Variants in STRIP2 observed in about 807,000 individuals in gnomAD.
STRIP2 encodes striatin interacting protein 2, also known as striatin-interacting protein 2.
In STRIP2, 84 loss-of-function variants were observed where a neutral mutation model predicts 107.1. The observed-to-expected ratio is 0.78, with a 90% confidence interval of 0.66 to 0.94. The LOEUF (loss-of-function observed/expected upper bound fraction) is 0.94. Ranked by LOEUF, STRIP2 falls within the 40% of genes least tolerant of loss-of-function variation. The pLI, the probability that STRIP2 is intolerant of heterozygous loss-of-function variation, is 0.00. For missense variants in STRIP2, 888 were observed against 1,034.2 expected, an observed-to-expected ratio of 0.86 and a Z score of 1.94; for synonymous variants, 394 against 400.4, an observed-to-expected ratio of 0.98 and a Z score of 0.19.
intron 18 of STRIP2, among the ~76,000 whole-genome samples, chr7:129,473,308 C>T (rs1798837527): frequency 1.3e-5 from 2 of 152,186 alleles, no homozygotes; most frequent in Non-Finnish European, 2.9e-5. Context: ...TTTCATTTGA[C>T]AGCAAAATTT....
At position 129,475,554 on chromosome 7, in the gene STRIP2, T is replaced by C. The variant is rs867648681; in HGVS notation, c.1944+4839T>C. On this transcript the variant is annotated intron_variant, in intron 18 of 20. Transcript: ENST00000249344. ...GAGTGGTGATGACTCTTTTTTTTTCTTTTTTTTTTTTTTCTTTTTATTTTT... is the reference window on the plus strand; with the variant it reads ...GAGTGGTGATGACTCTTTTTTTTTCCTTTTTTTTTTTTTCTTTTTATTTTT... 1.1e-3 allele frequency among the ~76,000 whole-genome samples: 134 copies of C among 121,900 alleles called. 3 individuals carry two copies. The highest frequency in any genetic ancestry group is 3.8e-3 in the Middle Eastern group (1 of 260). The allele number at this position is 121,900 out of a possible 152,430, so 80.0% of individuals were successfully genotyped here. A position where few individuals can be genotyped will look rare whatever the true frequency, so the allele number is the denominator to read the frequency against.
At chr7:129,452,957 A>C (rs1798236595) in intron 4 of STRIP2, among the ~76,000 whole-genome samples, 1 of 152,124 alleles carries the variant, frequency 6.6e-6, no homozygotes, top group Non-Finnish European at 1.5e-5. Context: ...AGCTACTTGC[A>C]CTGGAATCCT....
chr7:129,440,668 G>A (rs1478451874), intron 2 of STRIP2, among the ~76,000 whole-genome samples: 1 of 152,054 alleles, frequency 6.6e-6, no homozygotes, highest in Non-Finnish European at 1.5e-5. Context: ...ATGAGCTGGG[G>A]TTAAGTAATT....
intron 9 of STRIP2, among the ~76,000 whole-genome samples, chr7:129,457,886 T>C (rs1028700436): frequency 1.3e-5 from 2 of 152,322 alleles, no homozygotes; most frequent in African/African-American, 4.8e-5. Context: ...GGCAAACTAA[T>C]TGAATGTTCA....
Position 129,453,341 on chromosome 7 carries a change from A to C in STRIP2, c.524A>C (p.Glu175Ala), listed in dbSNP as rs559282908. Residue 175 changes from glutamate (E) to alanine (A), a missense_variant, in exon 5 of 21, where the codon GAA becomes GCA. By Grantham distance (107) the Glu-to-Ala change is moderately radical. Transcript: ENST00000249344. ...FSTFLELLHM[E>A]IDNSQACSSA... ...ACCTTCCTGGAGCTACTCCACATGG[A>C]AATTGAGTGAGAAGCCTTAGGGGAA... 1 of 1,614,094 alleles carries C rather than the reference A, an allele frequency of 6.2e-7. No individual in the cohort carries two copies. Among genetic ancestry groups the C allele is most frequent in the East Asian group, 2.2e-5 (1 of 44,868 alleles).
chr7:129,480,791 G>C lies in STRIP2; in HGVS notation c.1951G>C (p.Gly651Arg), dbSNP rs1799096522. Residue 651 changes from glycine (G) to arginine (R), a missense_variant, in exon 19 of 21, where the codon GGA (glycine) becomes CGA (arginine). By Grantham distance (125) the Gly-to-Arg change is moderately radical. Coordinates refer to ENST00000249344, the MANE Select transcript of STRIP2 (RefSeq NM_020704.3). ...TGGATGTTCCCTACTATAGGAAGCT[G>C]GAGACAACAGCCAGTTCTGCTGGAG... The part of the protein sequence containing the change: ...PELTTESLEA[G>R]DNSQFCWRNL... 6.2e-7 allele frequency: 1 copy of C among 1,613,222 alleles called. No individual in the cohort carries two copies. The highest frequency in any genetic ancestry group is 2.2e-5 in the East Asian group (1 of 44,846).
At chr7:129,469,778 G>C (rs917445312) in intron 17 of STRIP2, among the ~76,000 whole-genome samples, 11 of 152,226 alleles carry the variant, frequency 7.2e-5, no homozygotes, top group Non-Finnish European at 1.5e-5. Flanking sequence ...TGTAGAGACA[G>C]GTTCATTATA....
chr7:129,465,192 A>G (rs1392024770), intron 16 of STRIP2, among the ~76,000 whole-genome samples: 1 of 152,322 alleles, frequency 6.6e-6, no homozygotes, highest in African/African-American at 2.4e-5. Context: ...CAGATATATA[A>G]GTAGCCAATT....
At chr7:129,454,830 A>G (rs1485616293) in intron 7 of STRIP2, among the ~76,000 whole-genome samples, 2 of 152,204 alleles carry the variant, frequency 1.3e-5, no homozygotes, top group African/African-American at 4.8e-5. Flanking sequence ...AATGAGTTGA[A>G]TCACCTTGAA....
At chr7:129,449,683 A>G (rs1201053835) in intron 3 of STRIP2, among the ~76,000 whole-genome samples, 1 of 152,178 alleles carries the variant, frequency 6.6e-6, no homozygotes, top group African/African-American at 2.4e-5. Flanking sequence ...CTTTTCCAAT[A>G]AATGCCCTCA....
intron 20 of STRIP2, 144 bp from the exon 21 acceptor site, chr7:129,485,435 A>C: frequency 1.1e-6 from 1 of 884,846 alleles, no homozygotes; most frequent in Non-Finnish European, 1.6e-6. Flanking sequence ...CTGTATACTA[A>C]CTTCATACAT....
chr7:129,480,766 T>C lies in STRIP2; in HGVS notation c.1945-19T>C, dbSNP rs751271436. The C allele has an allele frequency of 3.8e-6, 6 of 1,598,556 alleles. No homozygotes were observed. The East Asian group carries it at 1.3e-4, about 36-fold the overall frequency. On this transcript the variant is annotated intron_variant, in intron 18 of 20. Coordinates refer to ENST00000249344, the MANE Select transcript of STRIP2 (RefSeq NM_020704.3). The stretch of plus-strand genomic sequence containing the variant: ...AGCCTTGTAGGTATTAAGATAATGA[T>C]GGATGTTCCCTACTATAGGAAGCTG...
chr7:129,448,784 T>C (rs1234544036), intron 3 of STRIP2, among the ~76,000 whole-genome samples: 1 of 152,206 alleles, frequency 6.6e-6, no homozygotes, highest in Admixed American at 6.5e-5. Flanking sequence ...ATTATTCCCA[T>C]TGTATTTAAA....
intron 4 of STRIP2, among the ~76,000 whole-genome samples, chr7:129,452,434 G>T (rs938861737): frequency 6.6e-6 from 1 of 151,860 alleles, no homozygotes; most frequent in Non-Finnish European, 1.5e-5. Flanking sequence ...GAGGGGAAAG[G>T]GTGGACATTA....
chr7:129,467,805 A>C (rs894591936), intron 17 of STRIP2, among the ~76,000 whole-genome samples: 1 of 152,180 alleles, frequency 6.6e-6, no homozygotes. Flanking sequence ...AGTTGGAGCA[A>C]TTGGAACAGT....
At chr7:129,440,631 T>C (rs558523959) in intron 2 of STRIP2, among the ~76,000 whole-genome samples, 2 of 152,242 alleles carry the variant, frequency 1.3e-5, no homozygotes, top group African/African-American at 4.8e-5. Context: ...CCTGCATCCA[T>C]CATAGTAGAG....
rs527358403 is a variant in STRIP2 at position 129,474,453 on chromosome 7, C to G, written c.1944+3738C>G. 1.7e-4 allele frequency among the ~76,000 whole-genome samples: 26 copies of G among 152,318 alleles called. No homozygotes were observed. The East Asian group carries it at 2.9e-3, about 17-fold the overall frequency. Reference sequence around the variant, plus strand: ...AAGTGCTGGGATTACAGGTGTGAGCCACAATGCCCAGCTGCACATGAATCT... The same window carrying G: ...AAGTGCTGGGATTACAGGTGTGAGCGACAATGCCCAGCTGCACATGAATCT... On this transcript the variant is annotated intron_variant, in intron 18 of 20. Transcript: ENST00000249344.
intron 16 of STRIP2, among the ~76,000 whole-genome samples, chr7:129,467,036 C>T (rs1012167490): frequency 6.6e-6 from 1 of 152,192 alleles, no homozygotes; most frequent in Non-Finnish European, 1.5e-5. Context: ...ACGACTCCCT[C>T]GGGGAGCCTT....
chr7:129,477,342 T>C (rs764818705), intron 18 of STRIP2, among the ~76,000 whole-genome samples: 2 of 152,326 alleles, frequency 1.3e-5, no homozygotes, highest in East Asian at 1.9e-4. Flanking sequence ...TTCAGAGATA[T>C]ACTGTAAACA....
Sources: allele counts gnomAD v4.1 joint callset (sites outside exome capture counted in the v4.1 genomes callset), GRCh38; gene constraint gnomAD v4.1.1; transcripts MANE v1.5; gene names NCBI Gene and HGNC (gene_info 2026-07-23, HGNC 2026-07-21).